Variants in INSL6 observed in about 807,000 individuals in gnomAD.
The protein encoded by INSL6 is insulin-like peptide INSL6.
In INSL6, 16 loss-of-function variants were observed where a neutral mutation model predicts 9.4. The ratio of observed to expected loss-of-function variants is 1.70; its 90% CI spans 1.15 to 2.59. The LOEUF (loss-of-function observed/expected upper bound fraction) is 2.59. INSL6 is among the 30% of genes most tolerant of loss of function. The probability of loss-of-function intolerance (pLI) is 0.00; values close to 1 mark genes in which losing one functional copy is unlikely to be tolerated. For synonymous variants in INSL6, 154 were observed against 96.9 expected (o/e 1.59, Z -3.46); for missense variants, 391 against 257.3 (o/e 1.52, Z -3.56).
chr9:5,121,928 T>G (rs1823644929), downstream of INSL6, among the ~76,000 whole-genome samples: 1 of 152,136 alleles, frequency 6.6e-6, no homozygotes, highest in African/African-American at 2.4e-5. Context: ...CTTCAAGAAC[T>G]TTGCATTCCC....
chr9:5,135,272 TCAA>T (rs1399828219), intron 2 of INSL6, among the ~76,000 whole-genome samples: 1 of 151,918 alleles, frequency 6.6e-6, no homozygotes, highest in Non-Finnish European at 1.5e-5. Context: ...ATTAAACAGA[TCAA>T]CGAGACAGAA....
chr9:5,139,778 G>C (rs900331430), intron 2 of INSL6, among the ~76,000 whole-genome samples: 2 of 152,176 alleles, frequency 1.3e-5, no homozygotes, highest in African/African-American at 4.8e-5. Context: ...ATTCTGATTA[G>C]TGCTCATTAT....
At chr9:5,053,106 C>T in the INSL6 span, among the ~76,000 whole-genome samples, 1 of 152,090 alleles carries the variant, frequency 6.6e-6, no homozygotes, top group Non-Finnish European at 1.5e-5. Context: ...TACATTCACA[C>T]TAGCAGTACA....
At chr9:5,078,301 A>G in the INSL6 span, 1 of 1,609,528 alleles carries the variant, frequency 6.2e-7, no homozygotes, top group Admixed American at 1.7e-5. Context: ...GTTTAACTCT[A>G]ATAGGAAGAA....
chr9:5,065,073 G>A, the INSL6 span: 1 of 1,405,334 alleles, frequency 7.1e-7, no homozygotes, highest in Non-Finnish European at 9.6e-7. Flanking sequence ...TAAATTTTTA[G>A]AAAAGTAAAT....
chr9:5,061,604 CT>C, the INSL6 span, among the ~76,000 whole-genome samples: 1 of 152,210 alleles, frequency 6.6e-6, no homozygotes, highest in South Asian at 2.1e-4. Flanking sequence ...CTAGATTAGG[CT>C]TTGGCTTAAG....
chr9:5,026,692 G>C, the INSL6 span, among the ~76,000 whole-genome samples: 155 of 152,264 alleles, frequency 1.0e-3, no homozygotes, highest in African/African-American at 3.6e-3. Flanking sequence ...GAGTTCACGT[G>C]ATTGTTGTGT....
the INSL6 span, chr9:5,112,188 G>T: frequency 3.7e-6 from 1 of 270,392 alleles, no homozygotes; most frequent in South Asian, 3.3e-5. Context: ...CGCTGGCCTT[G>T]GGCTTCGCCG....
chr9:5,066,693 T>C, the INSL6 span: 1 of 1,600,844 alleles, frequency 6.2e-7, no homozygotes, highest in Non-Finnish European at 8.6e-7. Flanking sequence ...ATTTTGCCAT[T>C]AGTAAACTGA....
At chr9:5,111,145 G>A in the INSL6 span, 3 of 916,578 alleles carry the variant, frequency 3.3e-6, no homozygotes, top group South Asian at 2.8e-5. Context: ...CAGCGAAGGC[G>A]CTCAACTTGC....
At chr9:5,178,048 G>T (rs1361111378) in intron 1 of INSL6, among the ~76,000 whole-genome samples, 2 of 152,202 alleles carry the variant, frequency 1.3e-5, no homozygotes, top group Non-Finnish European at 2.9e-5. Context: ...GCTAATTTTT[G>T]TATTTTTAGT....
intron 3 of INSL6, among the ~76,000 whole-genome samples, chr9:5,124,540 C>A (rs1452530836): frequency 4.6e-5 from 7 of 151,722 alleles, no homozygotes; most frequent in Admixed American, 2.6e-4. Context: ...CATTTGTTCA[C>A]AGAATTAGAA....
At chr9:5,007,640 G>A in the INSL6 span, among the ~76,000 whole-genome samples, 3 of 151,474 alleles carry the variant, frequency 2.0e-5, no homozygotes, top group Admixed American at 6.6e-5. Flanking sequence ...AAGTAATTGC[G>A]TTTTTTACTC....
chr9:5,090,641 G>A, the INSL6 span: 350,518 of 1,517,634 alleles, frequency 0.23, 41,750 homozygotes, highest in African/African-American at 0.37. Context: ...AAATCATCTA[G>A]ACGTTTTCAT....
chr9:5,172,458 A>C (rs908195156), intron 1 of INSL6, among the ~76,000 whole-genome samples: 2 of 152,250 alleles, frequency 1.3e-5, no homozygotes, highest in African/African-American at 4.8e-5. Context: ...AAATTGACAA[A>C]TAAGATCTAA....
At chr9:5,129,542 G>C (rs565965793) in intron 3 of INSL6, among the ~76,000 whole-genome samples, 2 of 152,156 alleles carry the variant, frequency 1.3e-5, no homozygotes, top group African/African-American at 4.8e-5. Context: ...CTAAGAATCA[G>C]TTTGCTGTAT....
the INSL6 span, chr9:5,064,782 AGAAGAAAATTGTATTTAACATGGAAT>A: frequency 1.5e-5 from 12 of 816,244 alleles, no homozygotes; most frequent in East Asian, 3.1e-4. Context: ...TGAGCAATTT[AGAAGAAAATTGTATTTAACATGGAAT>A]GAAGAAAATT....
At chr9:5,025,692 C>G in the INSL6 span, among the ~76,000 whole-genome samples, 1 of 152,036 alleles carries the variant, frequency 6.6e-6, no homozygotes, top group Non-Finnish European at 1.5e-5. Context: ...ACCACCACAC[C>G]CAGCTAATTT....
At chr9:5,142,392 G>A (rs1824518279) in intron 2 of INSL6, among the ~76,000 whole-genome samples, 1 of 152,156 alleles carries the variant, frequency 6.6e-6, no homozygotes. Context: ...ATTTCTTTGA[G>A]CAGTTGTTTG....
Sources: allele counts gnomAD v4.1 joint callset (sites outside exome capture counted in the v4.1 genomes callset), GRCh38; gene constraint gnomAD v4.1.1; transcripts MANE v1.5; gene names NCBI Gene and HGNC (gene_info 2026-07-23, HGNC 2026-07-21).